CDHR1: variants seen among roughly 807,000 people sequenced by gnomAD.
The protein encoded by CDHR1 is cadherin-related family member 1.
A neutral mutation model predicts 72.1 loss-of-function variants in CDHR1; 61 were observed. That is an observed-to-expected ratio of 0.85 (90% CI 0.69 to 1.05). The LOEUF is 1.05. Ranked by LOEUF, CDHR1 falls within the 50% of genes least tolerant of loss-of-function variation. The probability of loss-of-function intolerance (pLI) is 0.00; values close to 1 mark genes in which losing one functional copy is unlikely to be tolerated. For synonymous variants in CDHR1, 470 were observed against 448.1 expected (o/e 1.05, Z -0.62); for missense variants, 1,186 against 1,115.7 (o/e 1.06, Z -0.90).
rs1455885636 is a variant in CDHR1, at chr10:84,215,691, G to T, written c.*1070G>T. The T allele has an allele frequency of 3.0e-6, 3 of 985,454 alleles. No individual in the cohort carries two copies. Among genetic ancestry groups the T allele is most frequent in the Non-Finnish European group, 3.6e-6 (3 of 829,946 alleles). 61.0% of individuals were successfully genotyped at this position (985,454 alleles called of 1,614,324 possible). On this transcript the variant is annotated 3_prime_UTR_variant, in exon 17 of 17. Coordinates refer to ENST00000623527, the MANE Select transcript of CDHR1 (RefSeq NM_033100.4). ...AAGTGCAAAGCGGCATGAATGCAAA[G>T]TATTTTTCTGCAGCCCAGTTCTGTG...
intron 12 of CDHR1, 110 bp downstream of exon 12, chr10:84,208,991 C>T (rs897376037): frequency 2.5e-6 from 3 of 1,217,398 alleles, no homozygotes; most frequent in African/African-American, 3.0e-5. Context: ...CCTTCCTGGC[C>T]CTACTCTTTT....
chr10:84,196,726 C>T, intron 3 of CDHR1, 76 bp downstream of exon 3: 1 of 1,550,896 alleles, frequency 6.4e-7, no homozygotes, highest in Non-Finnish European at 8.9e-7. Context: ...TCCCCTGGAG[C>T]ACATTGGTTA....
Position 84,212,345 on chromosome 10 carries a change from C to T in CDHR1, c.1720C>T (p.Pro574Ser), listed in dbSNP as rs746501731. The T allele has an allele frequency of 1.2e-6, 2 of 1,614,186 alleles. No homozygotes were observed. The highest frequency in any genetic ancestry group is 8.5e-7 in the Non-Finnish European group (1 of 1,180,026). Reference sequence around the variant, plus strand: ...ACTGCTGGATGTCAATGACCACCCCCCTCAGTTTGGAAAGAGCGTTCAGAA... The same window carrying T: ...ACTGCTGGATGTCAATGACCACCCCTCTCAGTTTGGAAAGAGCGTTCAGAA... Reference protein sequence around the residue: ...ITLLDVNDHPPQFGKSVQKKT... With the variant: ...ITLLDVNDHPSQFGKSVQKKT... Residue 574 changes from proline to serine, a missense_variant, in exon 15 of 17, where the codon CCT becomes TCT. Transcript: ENST00000623527.
downstream of CDHR1, chr10:84,218,764 A>G (rs529049134): frequency 1.9e-5 from 19 of 1,002,020 alleles, no homozygotes; most frequent in African/African-American, 3.2e-4. Flanking sequence ...CCCAGATATC[A>G]TGTTATTACA....
chr10:84,197,601 T>C (rs528433178), intron 3 of CDHR1, among the ~76,000 whole-genome samples, 185 bp from the exon 4 acceptor site: 60 of 151,912 alleles, frequency 3.9e-4, no homozygotes, highest in Non-Finnish European at 7.8e-4. Flanking sequence ...GTCTCAAGCA[T>C]GGGGGGAGGC....
rs1478777355 is a variant in CDHR1, at chr10:84,200,882, C to T, written c.525+195C>T. Among the ~76,000 whole-genome samples, 9 of 152,298 alleles carry T rather than the reference C, an allele frequency of 5.9e-5. No individual in the cohort carries two copies. In the East Asian group the frequency reaches 1.7e-3, roughly 29 times the overall value. On this transcript the variant is annotated intron_variant, in intron 6 of 16. Transcript: ENST00000623527. ...CCCCTGATGGGCCCATCCTGGCGTC[C>T]TCTAAGTCAGCCTGTCCCCTCCCTC...
At chr10:84,201,459 G>T (rs915210746) in intron 6 of CDHR1, among the ~76,000 whole-genome samples, 3 of 152,170 alleles carry the variant, frequency 2.0e-5, no homozygotes, top group African/African-American at 7.2e-5. Context: ...TTAACCCCTG[G>T]CTCCCTCTGG....
intron 12 of CDHR1, 135 bp from the exon 13 acceptor site, chr10:84,210,866 G>C (rs1030865697): frequency 1.1e-6 from 1 of 946,878 alleles, no homozygotes; most frequent in Non-Finnish European, 1.7e-6. Context: ...TACAGGAATA[G>C]CTGGTTGGCA....
At chr10:84,195,697 G>A in intron 2 of CDHR1, 108 bp downstream of exon 2, 1 of 906,978 alleles carries the variant, frequency 1.1e-6, no homozygotes. Flanking sequence ...GCGCCCGGGG[G>A]CTCCTTGTTT....
At position 84,214,971 on chromosome 10, in the gene CDHR1, C is replaced by A; in HGVS notation, c.*350C>A. On this transcript the variant is annotated 3_prime_UTR_variant, in exon 17 of 17. Transcript: ENST00000623527. ...CCCAGACCTCACAGTCCCTCAGGTT[C>A]TACTGGGATCTCATCATCATCCTTA... 8.3e-7 allele frequency: 1 copy of A among 1,211,600 alleles called. No homozygotes were observed. Among genetic ancestry groups the A allele is most frequent in the Non-Finnish European group, 1.0e-6 (1 of 963,370 alleles). 75.1% of individuals were successfully genotyped at this position (1,211,600 alleles called of 1,614,324 possible). A position where few individuals can be genotyped will look rare whatever the true frequency, so the allele number is the denominator to read the frequency against.
rs1842401636 is a variant in CDHR1 at position 84,214,796 on chromosome 10, C to T, written c.*175C>T. ...CCTTCTGGCGCAACAAGAAGTTGCGCTCTGACAGGGCTCTAGTCAGGGCCT... is the reference window on the plus strand; with the variant it reads ...CCTTCTGGCGCAACAAGAAGTTGCGTTCTGACAGGGCTCTAGTCAGGGCCT... On this transcript the variant is annotated 3_prime_UTR_variant, in exon 17 of 17. Coordinates refer to ENST00000623527, the MANE Select transcript of CDHR1 (RefSeq NM_033100.4). The T allele has an allele frequency of 1.3e-6, 2 of 1,539,306 alleles. No individual in the cohort carries two copies. Among genetic ancestry groups the T allele is most frequent in the African/African-American group, 2.7e-5 (2 of 73,234 alleles).
intron 10 of CDHR1, among the ~76,000 whole-genome samples, chr10:84,207,787 C>T (rs537812390): frequency 2.0e-5 from 3 of 152,290 alleles, no homozygotes; most frequent in Non-Finnish European, 4.4e-5. Flanking sequence ...ACTGGGGTCT[C>T]ATCTGCAGGC....
At chr10:84,200,475 C>A (rs1430282018) in intron 5 of CDHR1, 126 bp from the exon 6 acceptor site, 2 of 725,036 alleles carry the variant, frequency 2.8e-6, no homozygotes, top group Non-Finnish European at 5.0e-6. Context: ...CACATTTTAT[C>A]CTCAATTGTT....
In CDHR1 at chr10:84,201,920, G is replaced by A; in HGVS notation, c.639G>A (p.Lys213=). Residue 213 remains lysine (K), a splice_region_variant and synonymous_variant, in exon 7 of 17, where the codon AAG becomes AAA. Transcript: ENST00000623527. ...SRTHYITVVA[K]DGGGRLHGAD... ...CCCACTACATCACCGTGGTCGCCAA[G>A]GTAACACAGCAGGACAGGGGAGCAT... 1 of 1,601,760 alleles carries A rather than the reference G, an allele frequency of 6.2e-7. No homozygotes were observed.
At chr10:84,213,991 A>C in intron 16 of CDHR1, 91 bp from the exon 17 acceptor site, 1 of 1,570,792 alleles carries the variant, frequency 6.4e-7, no homozygotes, top group Admixed American at 1.7e-5. Flanking sequence ...GAAAGTTTAA[A>C]AACCATTAGG....
At position 84,199,086 on chromosome 10, in the gene CDHR1, T is replaced by C; in HGVS notation, c.403T>C (p.Phe135Leu). 6.4e-7 allele frequency: 1 copy of C among 1,551,488 alleles called. No individual in the cohort carries two copies. The highest frequency in any genetic ancestry group is 2.0e-5 in the Admixed American group (1 of 51,000). ...VTDANDEAPR[F>L]IQEPYVALVP... Reference sequence around the variant, plus strand: ...CGATGCCAATGATGAGGCGCCCAGGTTCATCCAGGAGCCTTATGTTGCCCT... The same window carrying C: ...CGATGCCAATGATGAGGCGCCCAGGCTCATCCAGGAGCCTTATGTTGCCCT... Residue 135 changes from phenylalanine (F) to leucine (L), a missense_variant, in exon 5 of 17, where the codon TTC becomes CTC. Transcript: ENST00000623527.
At chr10:84,194,915 A>C in intron 1 of CDHR1, 100 bp downstream of exon 1, 2 of 1,131,976 alleles carry the variant, frequency 1.8e-6, no homozygotes, top group Non-Finnish European at 2.6e-6. Flanking sequence ...GACCACTTCC[A>C]GAGTGGGACT....
In CDHR1 at chr10:84,196,422, T is replaced by C; in HGVS notation, c.152-83T>C. 2.7e-6 allele frequency: 4 copies of C among 1,457,136 alleles called. No individual in the cohort carries two copies. In the South Asian group the frequency reaches 4.6e-5, roughly 17 times the overall value. 90.3% of individuals were successfully genotyped at this position (1,457,136 alleles called of 1,614,324 possible). A position where few individuals can be genotyped will look rare whatever the true frequency, so the allele number is the denominator to read the frequency against. Reference sequence around the variant, plus strand: ...GTTGAATAGTCACTTTATAAACAGCTGAATCGTTGGTCCTGAGCATCTGCC... The same window carrying C: ...GTTGAATAGTCACTTTATAAACAGCCGAATCGTTGGTCCTGAGCATCTGCC... On this transcript the variant is annotated intron_variant, in intron 2 of 16. Coordinates refer to ENST00000623527, the MANE Select transcript of CDHR1 (RefSeq NM_033100.4).
rs775647775 is a variant in CDHR1, at chr10:84,203,005, CT to C, written c.666del (p.Asp223MetfsTer44). 6.2e-7 allele frequency: 1 copy of C among 1,614,172 alleles called. No individual in the cohort carries two copies. The highest frequency in any genetic ancestry group is 8.5e-7 in the Non-Finnish European group (1 of 1,180,028). ...AKDGGGRLHG[A>X]DVVFSATTTV... ...GATGGCGGTGGGAGGCTTCATGGGG[CT>C]GATGTGGTGTTCTCAGCCACCACCA... On this transcript the variant is annotated frameshift_variant, in exon 8 of 17. Transcript: ENST00000623527. LOFTEE classifies it high-confidence loss of function.
Sources: allele counts gnomAD v4.1 joint callset (sites outside exome capture counted in the v4.1 genomes callset), GRCh38; gene constraint gnomAD v4.1.1; transcripts MANE v1.5; gene names NCBI Gene and HGNC (gene_info 2026-07-23, HGNC 2026-07-21).